CCSER1: variants seen among roughly 807,000 people sequenced by gnomAD.
CCSER1 encodes coiled-coil serine rich protein 1.
Under a neutral mutation model 82.0 loss-of-function variants are expected in CCSER1, and 41 were observed. The ratio of observed to expected loss-of-function variants is 0.50; its 90% confidence interval spans 0.39 to 0.65. The LOEUF (loss-of-function observed/expected upper bound fraction) is 0.65, where lower values mean the gene tolerates loss of function less well. Ranked by LOEUF, CCSER1 falls within the 30% of genes least tolerant of loss-of-function variation. CCSER1 has a pLI of 0.00. For missense variants in CCSER1, 1,119 were observed against 1,064.2 expected (o/e 1.05, Z -0.72); for synonymous variants, 414 against 383.9 (o/e 1.08, Z -0.92).
intron 10 of CCSER1, among the ~76,000 whole-genome samples, chr4:91,378,240 T>C (rs2149333140): frequency 6.6e-6 from 1 of 152,334 alleles, no homozygotes; most frequent in Admixed American, 6.5e-5. Flanking sequence ...CAGGCTCTTT[T>C]GTGGTTCCAT....
At chr4:91,145,341 A>G (rs1729437063) in intron 10 of CCSER1, among the ~76,000 whole-genome samples, 1 of 151,992 alleles carries the variant, frequency 6.6e-6, no homozygotes, top group Non-Finnish European at 1.5e-5. Context: ...CTTTGAGCCT[A>G]TTGGTGTCAT....
intron 1 of CCSER1, among the ~76,000 whole-genome samples, chr4:90,160,951 C>G (rs1312824204): frequency 6.6e-6 from 1 of 152,044 alleles, no homozygotes; most frequent in Non-Finnish European, 1.5e-5. Context: ...CACACATATC[C>G]TAAGAATCAA....
At chr4:91,047,251 C>CAT (rs1393268262) in intron 9 of CCSER1, among the ~76,000 whole-genome samples, 1 of 152,080 alleles carries the variant, frequency 6.6e-6, no homozygotes, top group African/African-American at 2.4e-5. Flanking sequence ...CACACACACA[C>CAT]ACATATATAT....
intron 1 of CCSER1, among the ~76,000 whole-genome samples, chr4:90,174,525 A>T (rs542024238): frequency 1.4e-4 from 21 of 152,116 alleles, no homozygotes; most frequent in Middle Eastern, 3.4e-3. Flanking sequence ...CAATGCACAG[A>T]TGGAAACTCA....
At chr4:90,579,867 A>ATT (rs988621779) in intron 5 of CCSER1, among the ~76,000 whole-genome samples, 1 of 151,550 alleles carries the variant, frequency 6.6e-6, no homozygotes, top group East Asian at 1.9e-4. Flanking sequence ...GCTGAGAAGG[A>ATT]TTTTTTTTTA....
At chr4:91,220,943 A>G (rs1737692392) in intron 10 of CCSER1, among the ~76,000 whole-genome samples, 1 of 152,184 alleles carries the variant, frequency 6.6e-6, no homozygotes, top group Non-Finnish European at 1.5e-5. Flanking sequence ...TGTACGGAAA[A>G]TGTAGGATAA....
chr4:90,579,262 A>C (rs920761943), intron 5 of CCSER1, among the ~76,000 whole-genome samples: 1 of 152,164 alleles, frequency 6.6e-6, no homozygotes, highest in South Asian at 2.1e-4. Flanking sequence ...ATTGTGTATA[A>C]TGCAGGTCTA....
At chr4:91,205,518 G>A (rs1042601162) in intron 10 of CCSER1, among the ~76,000 whole-genome samples, 1 of 151,674 alleles carries the variant, frequency 6.6e-6, no homozygotes, top group African/African-American at 2.4e-5. Context: ...CATGTAAATT[G>A]ATGATGGGAC....
At chr4:90,939,587 A>G (rs1731355613) in intron 9 of CCSER1, among the ~76,000 whole-genome samples, 1 of 152,204 alleles carries the variant, frequency 6.6e-6, no homozygotes, top group Non-Finnish European at 1.5e-5. Context: ...GGCAATAGAA[A>G]TGCCATAGAG....
chr4:90,651,660 G>A (rs780529990), intron 6 of CCSER1, among the ~76,000 whole-genome samples: 8 of 150,554 alleles, frequency 5.3e-5, no homozygotes, highest in Admixed American at 1.3e-4. Context: ...CACGTTCTCT[G>A]CATGCATCCC....
intron 1 of CCSER1, among the ~76,000 whole-genome samples, chr4:90,197,346 C>T (rs1490674136): frequency 3.3e-5 from 5 of 152,034 alleles, no homozygotes; most frequent in African/African-American, 4.8e-5. Flanking sequence ...TAAGTTAGTA[C>T]AACCACTATG....
At chr4:91,021,788 A>G (rs1480609791) in intron 9 of CCSER1, among the ~76,000 whole-genome samples, 1 of 152,212 alleles carries the variant, frequency 6.6e-6, no homozygotes, top group African/African-American at 2.4e-5. Context: ...CAGTGACAAC[A>G]TTCTAAAAGG....
At chr4:90,793,153 CAT>C (rs951027177) in intron 7 of CCSER1, among the ~76,000 whole-genome samples, 1 of 152,154 alleles carries the variant, frequency 6.6e-6, no homozygotes, top group African/African-American at 2.4e-5. Flanking sequence ...GATGTTCAAA[CAT>C]AATTTCTTAC....
chr4:91,549,070 T>A (rs375492752), intron 10 of CCSER1, among the ~76,000 whole-genome samples: 101 of 152,218 alleles, frequency 6.6e-4, no homozygotes, highest in Middle Eastern at 6.8e-3. Flanking sequence ...TTTTTTTCTG[T>A]TTGCTTTTTA....
At chr4:91,438,594 A>T (rs935151296) in intron 10 of CCSER1, among the ~76,000 whole-genome samples, 2 of 152,250 alleles carry the variant, frequency 1.3e-5, no homozygotes, top group African/African-American at 4.8e-5. Flanking sequence ...CTCCAAAGGA[A>T]CATAATTCAT....
chr4:90,441,111 A>G (rs1759817159), intron 4 of CCSER1, among the ~76,000 whole-genome samples: 1 of 152,204 alleles, frequency 6.6e-6, no homozygotes, highest in South Asian at 2.1e-4. Flanking sequence ...GAAATTTTTC[A>G]ACTTAGCCAA....
intron 10 of CCSER1, among the ~76,000 whole-genome samples, chr4:91,095,364 C>T (rs1467856034): frequency 6.6e-6 from 1 of 152,194 alleles, no homozygotes; most frequent in Non-Finnish European, 1.5e-5. Context: ...GGCATTCCTC[C>T]TGGAACCCCC....
chr4:90,544,449 T>A (rs896939366), intron 5 of CCSER1, among the ~76,000 whole-genome samples: 2 of 152,124 alleles, frequency 1.3e-5, no homozygotes, highest in Non-Finnish European at 2.9e-5. Flanking sequence ...GTGAAACTTC[T>A]GATTCTCCTC....
chr4:91,434,828 T>C (rs1266572635), intron 10 of CCSER1, among the ~76,000 whole-genome samples: 2 of 152,168 alleles, frequency 1.3e-5, no homozygotes, highest in Non-Finnish European at 2.9e-5. Flanking sequence ...CATTCCAAGA[T>C]TCCCCTTGGC....
Sources: gnomAD v4.1 joint callset for allele counts (sites outside exome capture counted in the v4.1 genomes callset) on GRCh38, gnomAD v4.1.1 for gene constraint, MANE v1.5 for transcripts, NCBI Gene and HGNC (gene_info 2026-07-23, HGNC 2026-07-21) for gene names.